The following UNC93A variants were observed in gnomAD, a reference collection of about 807,000 sequenced individuals.
UNC93A encodes the protein unc-93 homolog A.
UNC93A carries 43 observed loss-of-function variants against 47.5 expected under a neutral mutation model. The ratio of observed to expected loss-of-function variants is 0.91; its 90% CI spans 0.71 to 1.17. The LOEUF is 1.17. UNC93A is among the 50% of genes most tolerant of loss of function. The pLI is 0.00. For synonymous variants in UNC93A, 280 were observed against 258.0 expected (o/e 1.09, Z -0.82); for missense variants, 605 against 577.6 (o/e 1.05, Z -0.49).
intron 5 of UNC93A, among the ~76,000 whole-genome samples, chr6:167,305,074 G>T (rs1006578585): frequency 6.6e-6 from 1 of 152,134 alleles, no homozygotes; most frequent in South Asian, 2.1e-4. Flanking sequence ...TCTGGCAGAG[G>T]CTCTCCTTCC....
chr6:167,285,875 A>G (rs1583065545), intron 1 of UNC93A, among the ~76,000 whole-genome samples: 3 of 151,398 alleles, frequency 2.0e-5, no homozygotes, highest in Admixed American at 6.7e-5. Context: ...TGCATGAAAT[A>G]AAAAGAGTAA....
chr6:167,283,304 A>G (rs561020716), intron 1 of UNC93A, among the ~76,000 whole-genome samples: 1 of 152,306 alleles, frequency 6.6e-6, no homozygotes, highest in African/African-American at 2.4e-5. Flanking sequence ...TTATTTCTAC[A>G]AAGAGTCTGT....
chr6:167,295,315 A>T (rs1778028006), intron 2 of UNC93A, among the ~76,000 whole-genome samples: 1 of 152,254 alleles, frequency 6.6e-6, no homozygotes, highest in Non-Finnish European at 1.5e-5. Context: ...GCAGAGTCTT[A>T]CATGGCATGC....
chr6:167,300,169 G>T (rs943510403), intron 4 of UNC93A, among the ~76,000 whole-genome samples: 5 of 152,200 alleles, frequency 3.3e-5, no homozygotes, highest in Admixed American at 2.0e-4. Flanking sequence ...GCAGTCTGAC[G>T]CCGTGCAGGG....
At chr6:167,303,348 G>C (rs910643187) in intron 4 of UNC93A, among the ~76,000 whole-genome samples, 4 of 152,128 alleles carry the variant, frequency 2.6e-5, no homozygotes, top group Non-Finnish European at 5.9e-5. Flanking sequence ...ATTTATGGTG[G>C]GGGATTTTCC....
intron 1 of UNC93A, among the ~76,000 whole-genome samples, chr6:167,279,422 C>G (rs1372058992): frequency 1.3e-5 from 2 of 152,230 alleles, no homozygotes; most frequent in Non-Finnish European, 2.9e-5. Context: ...GTTCTAACAT[C>G]TGCCTAGTTC....
At chr6:167,272,749 T>C (rs1283978330) in intron 1 of UNC93A, among the ~76,000 whole-genome samples, 1 of 152,126 alleles carries the variant, frequency 6.6e-6, no homozygotes, top group Non-Finnish European at 1.5e-5. Context: ...TTGGAGCAAA[T>C]AGAAAGAAAT....
chr6:167,298,005 C>T lies in UNC93A; in HGVS notation c.560C>T (p.Thr187Ile), dbSNP rs1778136217. 3.1e-6 allele frequency: 5 copies of T among 1,614,122 alleles called. No individual in the cohort carries two copies. The highest frequency in any genetic ancestry group is 4.2e-6 in the Non-Finnish European group (5 of 1,180,030). ...GCCAGTGACTGCCTGATGGCCACCA[C>T]AACCACCAACAGCACCCAGAGGCCC... ...CGASDCLMAT[T>I]TTNSTQRPSQ... The change falls in exon 4 of 8, where the codon ACA becomes ATA. Residue 187 changes from threonine (T) to isoleucine (I), a missense_variant. Coordinates refer to ENST00000230256, the MANE Select transcript of UNC93A (RefSeq NM_018974.4).
chr6:167,313,466 G>A (rs1778610145), intron 7 of UNC93A, among the ~76,000 whole-genome samples: 1 of 152,018 alleles, frequency 6.6e-6, no homozygotes, highest in Admixed American at 6.6e-5. Context: ...AAGCTGAATT[G>A]GCCTTGGACC....
upstream of UNC93A, among the ~76,000 whole-genome samples, chr6:167,290,743 C>T (rs186637406): frequency 1.4e-3 from 206 of 152,254 alleles, 1 homozygote; most frequent in Admixed American, 2.3e-3. Context: ...GACCAAAATA[C>T]CAAATCATTT....
intron 7 of UNC93A, 103 bp from the exon 8 acceptor site, chr6:167,315,084 A>G (rs1778654694): frequency 2.0e-6 from 3 of 1,503,042 alleles, no homozygotes; most frequent in South Asian, 2.5e-5. Context: ...AAATGTCTTG[A>G]TTTAGTTGAG....
chr6:167,304,726 A>G (rs1259944105), intron 5 of UNC93A, among the ~76,000 whole-genome samples: 1 of 151,852 alleles, frequency 6.6e-6, no homozygotes, highest in Non-Finnish European at 1.5e-5. Context: ...GTGTGCCACC[A>G]CGCCTGGGTA....
At chr6:167,285,082 C>T (rs181601631) in intron 1 of UNC93A, among the ~76,000 whole-genome samples, 2,895 of 152,200 alleles carry the variant, frequency 0.019, 93 homozygotes, top group African/African-American at 0.066. Context: ...TCTGGGCCTT[C>T]GGGCCCTGCC....
In UNC93A at chr6:167,292,914, C is replaced by T. The variant is rs112034892; in HGVS notation, c.87+1338C>T. On this transcript the variant is annotated intron_variant, in intron 1 of 7. Transcript: ENST00000230256. ...CCCTGGGGTCAGCATTCCTAGGAACCGACAGCTCCCCTGGGGTCAGCATTC... is the reference window on the plus strand; with the variant it reads ...CCCTGGGGTCAGCATTCCTAGGAACTGACAGCTCCCCTGGGGTCAGCATTC... 2.3e-3 allele frequency among the ~76,000 whole-genome samples: 353 copies of T among 152,118 alleles called. 2 individuals are homozygous for T. The highest frequency in any genetic ancestry group is 7.6e-3 in the African/African-American group (314 of 41,468).
chr6:167,275,328 C>T (rs1247758278), intron 1 of UNC93A, among the ~76,000 whole-genome samples: 2 of 152,230 alleles, frequency 1.3e-5, no homozygotes, highest in Non-Finnish European at 1.5e-5. Flanking sequence ...TCCTCAGTGG[C>T]GTTTGGCAAC....
At chr6:167,284,088 G>A (rs1457876351) in intron 1 of UNC93A, among the ~76,000 whole-genome samples, 2 of 152,094 alleles carry the variant, frequency 1.3e-5, no homozygotes, top group African/African-American at 4.8e-5. Context: ...CGAAACCCAG[G>A]GCAAAATGCT....
intron 5 of UNC93A, 108 bp from the exon 6 acceptor site, chr6:167,305,807 C>A: frequency 6.6e-7 from 1 of 1,504,444 alleles, no homozygotes; most frequent in Non-Finnish European, 9.1e-7. Flanking sequence ...GCAACACTGG[C>A]CTGCTGGCCA....
At chr6:167,275,439 G>C (rs1450420016) in intron 1 of UNC93A, among the ~76,000 whole-genome samples, 3 of 152,210 alleles carry the variant, frequency 2.0e-5, no homozygotes, top group Admixed American at 2.0e-4. Flanking sequence ...CAGTTTCCAG[G>C]AGCTGGCACT....
chr6:167,277,066 A>T lies in UNC93A; in HGVS notation c.-52+5608A>T, dbSNP rs77398481. 6.6e-3 allele frequency among the ~76,000 whole-genome samples: 1,010 copies of T among 152,282 alleles called. 17 individuals carry two copies. The highest frequency in any genetic ancestry group is 0.023 in the African/African-American group (946 of 41,530). On this transcript the variant is annotated intron_variant, in intron 1 of 3. Transcript: ENST00000503433. The stretch of plus-strand genomic sequence containing the variant: ...CCACAGACTCCCCTGATGTGGGCTC[A>T]TCAGGGGAGCCAGTGGGCCGGGGGC...
Sources: gnomAD v4.1 joint callset for allele counts (sites outside exome capture counted in the v4.1 genomes callset) on GRCh38, gnomAD v4.1.1 for gene constraint, MANE v1.5 for transcripts, NCBI Gene and HGNC (gene_info 2026-07-23, HGNC 2026-07-21) for gene names.